CD22: variants seen among roughly 807,000 people sequenced by gnomAD.
The protein encoded by CD22 is B-cell receptor CD22.
In CD22, 51 loss-of-function variants were observed where a neutral mutation model predicts 94.7. That is an observed-to-expected ratio of 0.54 (90% CI 0.43 to 0.68). CD22 has a LOEUF of 0.68. Among genes scored for constraint, CD22 ranks in the 30% least tolerant of loss-of-function variants. The probability of loss-of-function intolerance (pLI) is 0.00; values close to 1 mark genes in which losing one functional copy is unlikely to be tolerated. For synonymous variants in CD22, 424 were observed against 422.5 expected, an observed-to-expected ratio of 1.00 and a Z score of -0.04; for missense variants, 931 against 1,060.4, an observed-to-expected ratio of 0.88 and a Z score of 1.69.
chr19:35,332,591 G>A lies in CD22; in HGVS notation c.79G>A (p.Glu27Lys). The part of the protein sequence containing the change: ...AFSDSSKWVF[E>K]HPETLYAWEG... The stretch of plus-strand genomic sequence containing the variant: ...CTCTGACTCAAGTAAATGGGTTTTT[G>A]AGCACCCTGAAACCCTCTACGCCTG... The change falls in exon 3 of 14, where the codon GAG becomes AAG. Residue 27 changes from glutamate (E) to lysine (K), a missense_variant. Glu to Lys is a moderately conservative substitution (Grantham distance 56, BLOSUM62 1). Coordinates refer to ENST00000085219, the MANE Select transcript of CD22 (RefSeq NM_001771.4). 1 of 1,613,098 alleles carries A rather than the reference G, an allele frequency of 6.2e-7. No homozygotes were observed. The highest frequency in any genetic ancestry group is 1.1e-5 in the South Asian group (1 of 90,888).
chr19:35,339,889 C>T (rs1485538500), intron 6 of CD22, among the ~76,000 whole-genome samples: 1 of 152,112 alleles, frequency 6.6e-6, no homozygotes, highest in Non-Finnish European at 1.5e-5. Flanking sequence ...GATACCAGGA[C>T]TCCATGAGGG....
chr19:35,344,055 G>A (rs1043521722), intron 9 of CD22, among the ~76,000 whole-genome samples: 16 of 152,336 alleles, frequency 1.1e-4, no homozygotes, highest in South Asian at 6.2e-4. Flanking sequence ...AATTAGCTGG[G>A]TGTGGTGGCG....
intron 1 of CD22, chr19:35,331,739 T>G: frequency 5.5e-6 from 2 of 362,372 alleles, no homozygotes; most frequent in Non-Finnish European, 9.8e-6. Context: ...CCCAGCTACT[T>G]GGGGGGCTGA....
intron 3 of CD22, 147 bp downstream of exon 3, chr19:35,333,071 A>G: frequency 1.3e-6 from 1 of 754,174 alleles, no homozygotes; most frequent in Non-Finnish European, 2.1e-6. Context: ...GCGATGCAGC[A>G]GCACTAGACA....
Position 35,336,252 on chromosome 19 carries a change from G to A in CD22, c.629G>A (p.Trp210Ter). The change falls in exon 4 of 14, where the codon TGG becomes TAG. Residue 210 changes from tryptophan to a stop codon, truncating the protein, a stop_gained. Coordinates refer to ENST00000085219, the MANE Select transcript of CD22 (RefSeq NM_001771.4). LOFTEE classifies it high-confidence loss of function. ...AGCGAGCTCAAGTTCTCCCCACAGT[G>A]GAGTCACCATGGGAAGATTGTGACC... is the stretch of plus-strand genomic sequence containing the variant. The part of the protein sequence containing the change: ...TRSELKFSPQ[W>*]SHHGKIVTCQ... 6.2e-7 allele frequency: 1 copy of A among 1,614,192 alleles called. No homozygotes were observed.
chr19:35,341,896 G>A lies in CD22; in HGVS notation c.1966G>A (p.Ala656Thr), dbSNP rs201159000. 2.0e-5 allele frequency: 33 copies of A among 1,614,064 alleles called. No individual in the cohort carries two copies. The East Asian group carries it at 6.5e-4, about 32-fold the overall frequency. The change falls in exon 9 of 14, where the codon GCC becomes ACC. Residue 656 changes from alanine (A) to threonine (T), a missense_variant. Transcript: ENST00000085219. The surrounding 1 kb of genome is among the most constrained non-coding windows in gnomAD (Gnocchi z 4.0). ...LEPVKVQHSG[A>T]YWCQGTNSVG... ...GCCGGTGAAGGTCCAGCACTCGGGT[G>A]CCTACTGGTGCCAGGGGACCAACAG...
Position 35,336,232 on chromosome 19 carries a change from G to T in CD22, c.609G>T (p.Glu203Asp), listed in dbSNP as rs2066721943. The T allele has an allele frequency of 1.2e-6, 2 of 1,614,204 alleles. No homozygotes were observed. The highest frequency in any genetic ancestry group is 1.7e-6 in the Non-Finnish European group (2 of 1,180,042). Residue 203 changes from glutamate to aspartate, a missense_variant, in exon 4 of 14, where the codon GAG becomes GAT. Coordinates refer to ENST00000085219, the MANE Select transcript of CD22 (RefSeq NM_001771.4). Reference protein sequence around the residue: ...LTIKSVFTRSELKFSPQWSHH... With the variant: ...LTIKSVFTRSDLKFSPQWSHH... Reference sequence around the variant, plus strand: ...TCAAGTCTGTCTTCACCCGGAGCGAGCTCAAGTTCTCCCCACAGTGGAGTC... The same window carrying T: ...TCAAGTCTGTCTTCACCCGGAGCGATCTCAAGTTCTCCCCACAGTGGAGTC...
In CD22 at chr19:35,345,637, C is replaced by T. The variant is rs1257906482; in HGVS notation, c.2244C>T (p.Ser748=). ...CCCCCCTCTCTGAAGGCCCCCACTC[C>T]CTGGGATGCTACAATCCAATGATGG... is the stretch of plus-strand genomic sequence containing the variant. ...RRAPLSEGPH[S]LGCYNPMMED... The change falls in exon 12 of 14, where the codon TCC becomes TCT. Residue 748 remains serine, a synonymous_variant. Coordinates refer to ENST00000085219, the MANE Select transcript of CD22 (RefSeq NM_001771.4). The T allele has an allele frequency of 6.8e-6, 11 of 1,613,478 alleles. No individual in the cohort carries two copies. The highest frequency in any genetic ancestry group is 4.0e-5 in the African/African-American group (3 of 74,874).
intron 9 of CD22, among the ~76,000 whole-genome samples, chr19:35,343,058 A>G (rs1217754935): frequency 6.7e-6 from 1 of 150,372 alleles, no homozygotes; most frequent in East Asian, 2.0e-4. Flanking sequence ...TCGGCCTTCC[A>G]AAGTGCTGGG....
rs758437205 is a variant in CD22 at position 35,336,227 on chromosome 19, A to G, written c.604A>G (p.Ser202Gly). 1.9e-6 allele frequency: 3 copies of G among 1,614,174 alleles called. No homozygotes were observed. In the South Asian group the frequency reaches 3.3e-5, roughly 18 times the overall value. ...GACCATCAAGTCTGTCTTCACCCGG[A>G]GCGAGCTCAAGTTCTCCCCACAGTG... ...SLTIKSVFTR[S>G]ELKFSPQWSH... Residue 202 changes from serine to glycine, a missense_variant, in exon 4 of 14, where the codon AGC (serine) becomes GGC (glycine). Coordinates refer to ENST00000085219, the MANE Select transcript of CD22 (RefSeq NM_001771.4).
At chr19:35,338,511 T>C in intron 6 of CD22, 80 bp downstream of exon 6, 1 of 1,466,486 alleles carries the variant, frequency 6.8e-7, no homozygotes, top group South Asian at 1.3e-5. Context: ...GTGCAGGGCA[T>C]TCCGGGGTCC....
At chr19:35,342,993 G>A (rs2066840770) in intron 9 of CD22, among the ~76,000 whole-genome samples, 1 of 151,940 alleles carries the variant, frequency 6.6e-6, no homozygotes. Flanking sequence ...TGTATTTTTA[G>A]TAGAGATGTG....
chr19:35,340,630 G>A (rs778009087), intron 6 of CD22, among the ~76,000 whole-genome samples: 2 of 152,170 alleles, frequency 1.3e-5, no homozygotes, highest in Non-Finnish European at 2.9e-5. Flanking sequence ...GCCCATGCCC[G>A]TGCGCCTCTC....
In CD22 at chr19:35,346,743, G is replaced by A; in HGVS notation, c.*46G>A. 6.5e-7 allele frequency: 1 copy of A among 1,544,730 alleles called. No homozygotes were observed. The highest frequency in any genetic ancestry group is 8.7e-7 in the Non-Finnish European group (1 of 1,144,704). The stretch of plus-strand genomic sequence containing the variant: ...AGGCACTGGGGGCAGCGGGGGCCAG[G>A]GAAGTCCCCGAGTTTCCCCAGACAC... On this transcript the variant is annotated 3_prime_UTR_variant, in exon 14 of 14. Coordinates refer to ENST00000085219, the MANE Select transcript of CD22 (RefSeq NM_001771.4).
chr19:35,335,912 G>T (rs1377530364), intron 3 of CD22, 124 bp from the exon 4 acceptor site: 7 of 748,976 alleles, frequency 9.3e-6, no homozygotes, highest in Non-Finnish European at 1.6e-5. Flanking sequence ...AGCAGGACTG[G>T]AGAGAGGTGG....
intron 1 of CD22, 38 bp downstream of exon 1, chr19:35,329,268 C>T (rs2066613970): frequency 7.9e-7 from 1 of 1,260,398 alleles, no homozygotes; most frequent in Admixed American, 2.3e-5. Flanking sequence ...ATTCAACAAG[C>T]AAGTTATTAC....
intron 3 of CD22, among the ~76,000 whole-genome samples, chr19:35,333,814 C>A (rs904994574): frequency 2.0e-5 from 3 of 152,164 alleles, no homozygotes; most frequent in Admixed American, 6.5e-5. Context: ...CCTCTCAAAG[C>A]ATTAGGATTA....
At chr19:35,338,132 C>T (rs1281687410) in intron 5 of CD22, 36 bp from the exon 6 acceptor site, 7 of 1,586,840 alleles carry the variant, frequency 4.4e-6, no homozygotes, top group Admixed American at 1.7e-5. Flanking sequence ...GGGGTGCTCT[C>T]CTCACCCCTC....
chr19:35,332,226 C>A, intron 2 of CD22, 152 bp downstream of exon 2: 1 of 778,752 alleles, frequency 1.3e-6, no homozygotes. Flanking sequence ...TATATGTTTC[C>A]CATATATACA....
Sources: allele counts gnomAD v4.1 joint callset (sites outside exome capture counted in the v4.1 genomes callset), GRCh38; gene constraint gnomAD v4.1.1; non-coding constraint Gnocchi (gnomAD v3.1); transcripts MANE v1.5; gene names NCBI Gene and HGNC (gene_info 2026-07-23, HGNC 2026-07-21).